The following EPDR1 variants were observed in gnomAD, a reference collection of about 807,000 sequenced individuals.
EPDR1 encodes the protein mammalian ependymin-related protein 1.
In EPDR1, 27 loss-of-function variants were observed where a neutral mutation model predicts 23.7. That is an observed-to-expected ratio of 1.14 (90% CI 0.84 to 1.57). The LOEUF (loss-of-function observed/expected upper bound fraction) is 1.57, where lower values mean the gene tolerates loss of function less well. EPDR1 is among the 40% of genes most tolerant of loss of function. EPDR1 has a pLI of 0.00. For missense variants in EPDR1, 349 were observed against 290.4 expected (o/e 1.20, Z -1.47); for synonymous variants, 137 against 118.2 (o/e 1.16, Z -1.03).
chr7:37,921,279 C>G, intron 1 of EPDR1, 71 bp downstream of exon 1: 1 of 1,501,462 alleles, frequency 6.7e-7, no homozygotes, highest in Non-Finnish European at 8.8e-7. Context: ...GTCGCAGAGG[C>G]CTGCGCCCTG....
At position 37,949,149 on chromosome 7, in the gene EPDR1, A is replaced by G. The variant is rs1284908523; in HGVS notation, c.478+101A>G. 6 of 1,213,304 alleles carry G rather than the reference A, an allele frequency of 4.9e-6. No individual in the cohort carries two copies. The African/African-American group carries it at 7.6e-5, about 15-fold the overall frequency. The allele number at this position is 1,213,304 out of a possible 1,614,324, so 75.2% of individuals were successfully genotyped here. On this transcript the variant is annotated intron_variant, in intron 2 of 2. Coordinates refer to ENST00000199448, the MANE Select transcript of EPDR1 (RefSeq NM_017549.5). ...TAGTTTTTAGGGAAACATCCGCTTA[A>G]TCAAAAATTTTTTAAAGCCTCCACT...
chr7:37,940,660 C>T lies in EPDR1; in HGVS notation c.270-8180C>T, dbSNP rs558834963. On this transcript the variant is annotated intron_variant, in intron 1 of 2. Coordinates refer to ENST00000199448, the MANE Select transcript of EPDR1 (RefSeq NM_017549.5). ...ATTATTTCAAAATCATAGAATAAAG[C>T]AAATAAATGTTTTTGTTAATGTTTT... Among the ~76,000 whole-genome samples, 4 of 151,966 alleles carry T rather than the reference C, an allele frequency of 2.6e-5. No individual in the cohort carries two copies. The South Asian group carries it at 8.3e-4, about 32-fold the overall frequency.
At chr7:37,938,636 C>G (rs995064700) in intron 1 of EPDR1, among the ~76,000 whole-genome samples, 1 of 152,224 alleles carries the variant, frequency 6.6e-6, no homozygotes, top group Non-Finnish European at 1.5e-5. Flanking sequence ...AACTGGACCA[C>G]TTCTACCACT....
intron 1 of EPDR1, among the ~76,000 whole-genome samples, chr7:37,934,646 T>C (rs1786013163): frequency 6.6e-6 from 1 of 152,060 alleles, no homozygotes; most frequent in Non-Finnish European, 1.5e-5. Context: ...AAATATTCTT[T>C]TAAAAAATTA....
chr7:37,945,855 A>C (rs1213804846), intron 1 of EPDR1, among the ~76,000 whole-genome samples: 1 of 152,096 alleles, frequency 6.6e-6, no homozygotes, highest in Non-Finnish European at 1.5e-5. Context: ...TCCATTAGCT[A>C]TTCTTACTGA....
intron 1 of EPDR1, among the ~76,000 whole-genome samples, chr7:37,930,796 GT>G (rs748462233): frequency 2.0e-5 from 3 of 152,202 alleles, no homozygotes; most frequent in Non-Finnish European, 2.9e-5. Flanking sequence ...AATTTGAAGT[GT>G]TTTGGTGGTT....
intron 1 of EPDR1, among the ~76,000 whole-genome samples, chr7:37,925,791 G>C (rs17171213): frequency 1.1e-3 from 163 of 152,318 alleles, no homozygotes; most frequent in African/African-American, 3.8e-3. Flanking sequence ...GGTACAGATA[G>C]TATTAAATGA....
At chr7:37,930,189 G>A (rs1369167486) in intron 1 of EPDR1, among the ~76,000 whole-genome samples, 2 of 152,158 alleles carry the variant, frequency 1.3e-5, no homozygotes, top group African/African-American at 4.8e-5. Context: ...TGTGGGCCCT[G>A]CCGATGAGTG....
At chr7:37,948,120 T>C (rs1786317722) in intron 1 of EPDR1, among the ~76,000 whole-genome samples, 1 of 152,148 alleles carries the variant, frequency 6.6e-6, no homozygotes, top group African/African-American at 2.4e-5. Context: ...GTTCTTGTCC[T>C]ATGTTCAGTA....
At chr7:37,931,333 G>A (rs977155453) in intron 1 of EPDR1, among the ~76,000 whole-genome samples, 5 of 152,052 alleles carry the variant, frequency 3.3e-5, no homozygotes, top group African/African-American at 9.7e-5. Flanking sequence ...GGCCACCATG[G>A]TGAAACCCCA....
At chr7:37,947,367 C>T (rs1786297649) in intron 1 of EPDR1, among the ~76,000 whole-genome samples, 1 of 152,206 alleles carries the variant, frequency 6.6e-6, no homozygotes, top group African/African-American at 2.4e-5. Context: ...TGTGTAACTG[C>T]ACTCTATGAT....
Position 37,933,976 on chromosome 7 carries a change from C to CTTTTTTTTT in EPDR1, c.269+12778_269+12786dup, listed in dbSNP as rs576903776. On this transcript the variant is annotated intron_variant, in intron 1 of 2. Transcript: ENST00000199448. ...ATCTGCATCCACTTATTCTGCCATT[C>CTTTTTTTTT]TTTTTTTTTTTTTTTTTTGAGACGG... 5.2e-5 allele frequency among the ~76,000 whole-genome samples: 7 copies of CTTTTTTTTT among 133,348 alleles called. No individual in the cohort carries two copies. The East Asian group carries it at 1.1e-3, about 21-fold the overall frequency. 87.5% of individuals were successfully genotyped at this position (133,348 alleles called of 152,430 possible).
intron 2 of EPDR1, among the ~76,000 whole-genome samples, chr7:37,949,388 C>T (rs930692875): frequency 2.0e-5 from 3 of 152,118 alleles, no homozygotes; most frequent in African/African-American, 7.2e-5. Flanking sequence ...CCTTTTCTTT[C>T]CCCCACTTCC....
At chr7:37,921,559 C>A in intron 1 of EPDR1, 3 of 1,176,094 alleles carry the variant, frequency 2.6e-6, no homozygotes, top group Non-Finnish European at 3.2e-6. Flanking sequence ...ATGGAGCCCC[C>A]TGCAGTCTAG....
Position 37,951,113 on chromosome 7 carries a change from T to G in EPDR1, c.*717T>G, listed in dbSNP as rs1437965096. The G allele has an allele frequency of 3.9e-5, 6 of 152,216 alleles. No individual in the cohort carries two copies. Among genetic ancestry groups the G allele is most frequent in the African/African-American group, 1.4e-4 (6 of 41,450 alleles). The allele number at this position is 152,216 out of a possible 1,614,324, so 9.4% of individuals were successfully genotyped here. ...TGGCATAGCACGAGCCATGTAAGCT[T>G]CTTTTTTTTCTATGCAAGAGTATTG... On this transcript the variant is annotated 3_prime_UTR_variant, in exon 3 of 3. Coordinates refer to ENST00000199448, the MANE Select transcript of EPDR1 (RefSeq NM_017549.5).
chr7:37,939,065 G>T (rs780087092), intron 1 of EPDR1, among the ~76,000 whole-genome samples: 1 of 150,962 alleles, frequency 6.6e-6, no homozygotes, highest in African/African-American at 2.4e-5. Flanking sequence ...TGCAAGCTCT[G>T]CCTCCTGAGT....
In EPDR1 at chr7:37,928,915, G is replaced by A. The variant is rs1028351572; in HGVS notation, c.269+7707G>A. Among the ~76,000 whole-genome samples, 4 of 152,020 alleles carry A rather than the reference G, an allele frequency of 2.6e-5. No homozygotes were observed. In the East Asian group the frequency reaches 5.8e-4, roughly 22 times the overall value. On this transcript the variant is annotated intron_variant, in intron 1 of 2. Transcript: ENST00000199448. ...GCCTCCTAACAGTTGTCCCCACTTC[G>A]GACCTTGCTCCCTTTAGTCTGTTCT... is the stretch of plus-strand genomic sequence containing the variant.
chr7:37,943,044 C>T (rs1427016427), intron 1 of EPDR1, among the ~76,000 whole-genome samples: 2 of 152,236 alleles, frequency 1.3e-5, no homozygotes, highest in East Asian at 3.8e-4. Flanking sequence ...AGGGCCTAGC[C>T]AACCTGACCT....
chr7:37,938,540 T>C (rs1011139305), intron 1 of EPDR1, among the ~76,000 whole-genome samples: 3 of 152,234 alleles, frequency 2.0e-5, no homozygotes, highest in Admixed American at 1.3e-4. Context: ...ATTCTTTGGC[T>C]TTTCAGAAGG....
Sources: gnomAD v4.1 joint callset for allele counts (sites outside exome capture counted in the v4.1 genomes callset) on GRCh38, gnomAD v4.1.1 for gene constraint, MANE v1.5 for transcripts, NCBI Gene and HGNC (gene_info 2026-07-23, HGNC 2026-07-21) for gene names.